The following CP variants were observed in gnomAD, a reference collection of about 807,000 sequenced individuals.
CP encodes ceruloplasmin, also known as caeruloplasmin.
CP carries 64 observed loss-of-function variants against 122.4 expected under a neutral mutation model. The observed-to-expected ratio is 0.52, with a 90% CI of 0.43 to 0.64. The LOEUF (loss-of-function observed/expected upper bound fraction) is 0.64, where lower values mean the gene tolerates loss of function less well. CP is among the 30% of genes least tolerant of loss of function. The probability of loss-of-function intolerance (pLI) is 0.00; values close to 1 mark genes in which losing one functional copy is unlikely to be tolerated. For synonymous variants in CP, 440 were observed against 436.4 expected, an observed-to-expected ratio of 1.01 and a Z score of -0.10; for missense variants, 1,167 against 1,284.4, an observed-to-expected ratio of 0.91 and a Z score of 1.40.
In CP at chr3:149,210,253, C is replaced by G; in HGVS notation, c.521G>C (p.Cys174Ser). Residue 174 changes from cysteine to serine, a missense_variant, in exon 3 of 19, where the codon TGT becomes TCT. Around this residue, in one of 2 missense-constraint regions of CP, gnomAD observed 642 missense variants for 627.3 expected, o/e 1.02. Coordinates refer to ENST00000264613, the MANE Select transcript of CP (RefSeq NM_000096.4). The stretch of plus-strand genomic sequence containing the variant: ...GTGGGAATGGTAAATCCTAGTCACA[C>G]AATTGCCATCTCCTTCCCCAGGACT... ...EQSPGEGDGN[C>S]VTRIYHSHID... 6.2e-7 allele frequency: 1 copy of G among 1,614,086 alleles called. No individual in the cohort carries two copies.
intron 1 of CP, among the ~76,000 whole-genome samples, chr3:149,217,578 T>C (rs1382746804): frequency 1.3e-5 from 2 of 152,170 alleles, no homozygotes; most frequent in South Asian, 2.1e-4. Flanking sequence ...CAGAGGAGCA[T>C]TGACAGAACT....
chr3:149,197,507 A>G (rs1051274545), intron 9 of CP, among the ~76,000 whole-genome samples: 3 of 146,518 alleles, frequency 2.0e-5, no homozygotes, highest in African/African-American at 8.3e-5. Context: ...CATTTGAAGC[A>G]GTCTTGAAAA....
rs569768331 is a variant in CP, at chr3:149,214,836, T to A, written c.147-2138A>T. Among the ~76,000 whole-genome samples the A allele has an allele frequency of 4.6e-5, 7 of 152,296 alleles. 1 individual carries two copies. The highest frequency in any genetic ancestry group is 1.7e-4 in the African/African-American group (7 of 41,560). Reference sequence around the variant, plus strand: ...GCAAAATTGTTGCATCAAAGACTACTAAGTTTAAAAGCAGAGAGTCATTCA... The same window carrying A: ...GCAAAATTGTTGCATCAAAGACTACAAAGTTTAAAAGCAGAGAGTCATTCA... On this transcript the variant is annotated intron_variant, in intron 1 of 18. Transcript: ENST00000264613.
chr3:149,176,299 G>T lies in CP; in HGVS notation c.3132C>A (p.Asp1044Glu). ...TGGTTTCCATTCCAGCATGAATGTG[G>T]TCGGTCACATGGCAGTGGAGTAACC... ...GIWLLHCHVT[D>E]HIHAGMETTY... The change falls in exon 18 of 19, where the codon GAC (aspartate) becomes GAA (glutamate). Residue 1044 changes from aspartate (D) to glutamate (E), a missense_variant. This residue lies in a region of CP where 525 missense variants were observed against 657.2 expected (regional missense o/e 0.80). Transcript: ENST00000264613. 6.2e-7 allele frequency: 1 copy of T among 1,613,258 alleles called. No homozygotes were observed. The highest frequency in any genetic ancestry group is 1.1e-5 in the South Asian group (1 of 91,046).
chr3:149,181,917 G>A (rs1231303335), intron 14 of CP, 88 bp downstream of exon 14: 1 of 1,463,604 alleles, frequency 6.8e-7, no homozygotes, highest in South Asian at 1.1e-5. Context: ...CACTTTCTTG[G>A]TCCAGACTCT....
chr3:149,168,442 T>A (rs1441607088), downstream of CP: 1 of 174,368 alleles, frequency 5.7e-6, no homozygotes, highest in Non-Finnish European at 1.2e-5. Flanking sequence ...AGTAGTTATT[T>A]GAATTTTCAT....
intron 18 of CP, among the ~76,000 whole-genome samples, chr3:149,175,664 AGTGTGTGTGTGT>A (rs60005904): frequency 6.9e-6 from 1 of 145,566 alleles, no homozygotes; most frequent in African/African-American, 2.6e-5. Flanking sequence ...CTCCATTTTA[AGTGTGTGTGTGT>A]GTGTGTGTGT....
At chr3:149,203,032 G>A (rs1194277591) in intron 6 of CP, among the ~76,000 whole-genome samples, 5 of 147,362 alleles carry the variant, frequency 3.4e-5, no homozygotes, top group Admixed American at 1.4e-4. Flanking sequence ...TCAGCCTCCC[G>A]AGTAGCTGGG....
rs1178638282 is a variant in CP at position 149,167,035 on chromosome 3, C to T, written c.587-985G>A. Reference sequence around the variant, plus strand: ...AACATTTCACTTTTCTGTTCATAGTCTCTTATATGTGGTCCTTCATTTGAC... The same window carrying T: ...AACATTTCACTTTTCTGTTCATAGTTTCTTATATGTGGTCCTTCATTTGAC... On this transcript the variant is annotated intron_variant, in intron 4 of 5. Coordinates refer to the CP transcript ENST00000479771. 5 of 1,609,542 alleles carry T rather than the reference C, an allele frequency of 3.1e-6. No individual in the cohort carries two copies. The highest frequency in any genetic ancestry group is 3.4e-6 in the Non-Finnish European group (4 of 1,176,274).
chr3:149,183,620 C>A lies in CP; in HGVS notation c.2286-15G>T, dbSNP rs34861155. On this transcript the variant is annotated splice_polypyrimidine_tract_variant and intron_variant, in intron 12 of 18. Coordinates refer to ENST00000264613, the MANE Select transcript of CP (RefSeq NM_000096.4). Reference sequence around the variant, plus strand: ...CATTTGAAACACTTAAAAAAAAAAACAACTAAGGTTAGTATTTGTCTTAAT... The same window carrying A: ...CATTTGAAACACTTAAAAAAAAAAAAAACTAAGGTTAGTATTTGTCTTAAT... 31,596 of 970,904 alleles carry A rather than the reference C, an allele frequency of 0.033. 19 individuals are homozygous for A. The highest frequency in any genetic ancestry group is 0.11 in the African/African-American group (3,167 of 27,716). The allele number at this position is 970,904 out of a possible 1,614,324, so 60.1% of individuals were successfully genotyped here.
At chr3:149,170,972 T>C (rs1391826956), downstream of CP, among the ~76,000 whole-genome samples, 1 of 152,118 alleles carries the variant, frequency 6.6e-6, no homozygotes, top group East Asian at 1.9e-4. Context: ...TATGTTACAT[T>C]CCTTAATATT....
intron 3 of CP, 106 bp from the exon 4 acceptor site, chr3:149,209,490 C>A: frequency 8.3e-7 from 1 of 1,200,616 alleles, no homozygotes; most frequent in Non-Finnish European, 1.2e-6. Context: ...TTTATTTTTT[C>A]GAATAAATCA....
At position 149,173,376 on chromosome 3, in the gene CP, G is replaced by A. The variant is rs1156579380; in HGVS notation, c.*338C>T. The stretch of plus-strand genomic sequence containing the variant: ...GAAAACATTTCAATGAACCTTAATA[G>A]TGTTCCTTTGAGGAGCACCCAGGAG... On this transcript the variant is annotated 3_prime_UTR_variant, in exon 19 of 19. Coordinates refer to ENST00000264613, the MANE Select transcript of CP (RefSeq NM_000096.4). 1 of 188,598 alleles carries A rather than the reference G, an allele frequency of 5.3e-6. No homozygotes were observed. Among genetic ancestry groups the A allele is most frequent in the Non-Finnish European group, 1.1e-5 (1 of 92,026 alleles). The allele number at this position is 188,598 out of a possible 1,614,324, so 11.7% of individuals were successfully genotyped here.
At chr3:149,190,765 G>T (rs1025705706) in intron 9 of CP, among the ~76,000 whole-genome samples, 2 of 151,898 alleles carry the variant, frequency 1.3e-5, no homozygotes, top group African/African-American at 4.8e-5. Context: ...ACTCTCTAGG[G>T]AGCAGATGGT....
chr3:149,218,893 A>G (rs1042121902), intron 1 of CP, among the ~76,000 whole-genome samples: 3 of 152,070 alleles, frequency 2.0e-5, no homozygotes. Context: ...TAAAATTCAT[A>G]TTACACTCTT....
intron 15 of CP, 145 bp downstream of exon 15, chr3:149,179,411 G>T: frequency 2.9e-6 from 2 of 685,848 alleles, no homozygotes; most frequent in Non-Finnish European, 5.3e-6. Flanking sequence ...ATAGGTAGCA[G>T]CATAGTTGCT....
chr3:149,166,140 T>C (rs549470945), intron 4 of CP: 8 of 396,552 alleles, frequency 2.0e-5, no homozygotes, highest in African/African-American at 1.7e-4. Context: ...ATTATTTTGG[T>C]GGTAGAATCA....
intron 12 of CP, among the ~76,000 whole-genome samples, chr3:149,184,198 C>T (rs1725996992): frequency 6.6e-6 from 1 of 151,666 alleles, no homozygotes; most frequent in Non-Finnish European, 1.5e-5. Context: ...CCATGCCCAG[C>T]TAATTTTTTG....
intron 9 of CP, among the ~76,000 whole-genome samples, chr3:149,189,503 A>G (rs888441102): frequency 8.6e-5 from 13 of 151,564 alleles, no homozygotes; most frequent in Non-Finnish European, 1.6e-4. Flanking sequence ...GCAGTGAGCC[A>G]AGATCGAGCC....
Sources: gnomAD v4.1 joint callset for allele counts (sites outside exome capture counted in the v4.1 genomes callset) on GRCh38, gnomAD v4.1.1 for gene constraint, gnomAD v4.1.1 regional missense constraint, MANE v1.5 for transcripts, NCBI Gene and HGNC (gene_info 2026-07-23, HGNC 2026-07-21) for gene names.